STRIP1: variants seen among roughly 807,000 people sequenced by gnomAD.
STRIP1 encodes striatin interacting protein 1, also known as striatin-interacting protein 1.
Under a neutral mutation model 106.2 loss-of-function variants are expected in STRIP1, and 63 were observed. The observed-to-expected ratio is 0.59, with a 90% CI of 0.48 to 0.73. The LOEUF (loss-of-function observed/expected upper bound fraction) is 0.73. Ranked by LOEUF, STRIP1 falls within the 30% of genes least tolerant of loss-of-function variation. STRIP1 has a pLI of 0.00. For synonymous variants in STRIP1, 390 were observed against 413.0 expected, an observed-to-expected ratio of 0.94 and a Z score of 0.67; for missense variants, 857 against 1,074.8, an observed-to-expected ratio of 0.80 and a Z score of 2.83.
intron 1 of STRIP1, among the ~76,000 whole-genome samples, chr1:110,035,790 G>T (rs1206672616): frequency 1.3e-5 from 2 of 152,156 alleles, no homozygotes; most frequent in African/African-American, 4.8e-5. Flanking sequence ...AAAGAGCAAT[G>T]ATACTACCTT....
At chr1:110,047,343 G>A (rs537293576) in intron 13 of STRIP1, among the ~76,000 whole-genome samples, 199 bp from the exon 14 acceptor site, 1 of 152,274 alleles carries the variant, frequency 6.6e-6, no homozygotes, top group Admixed American at 6.5e-5. Context: ...ACCTTTATAG[G>A]GTTATAATAA....
rs893218628 is a variant in STRIP1, at chr1:110,041,738, C to T, written c.762C>T (p.Ser254=). ...ATACCTTTGTGTCACCTCCAGGCTCCCCGCTGTACAACAATGAGCCATTTG... is the reference window on the plus strand; with the variant it reads ...ATACCTTTGTGTCACCTCCAGGCTCTCCGCTGTACAACAATGAGCCATTTG... ...MRQTFRAELG[S]PLYNNEPFAI... Residue 254 remains serine (S), a synonymous_variant, in exon 8 of 21, where the codon TCC becomes TCT. Coordinates refer to ENST00000369795, the MANE Select transcript of STRIP1 (RefSeq NM_033088.4). 6.2e-7 allele frequency: 1 copy of T among 1,614,004 alleles called. No homozygotes were observed. The highest frequency in any genetic ancestry group is 8.5e-7 in the Non-Finnish European group (1 of 1,180,014).
intron 12 of STRIP1, among the ~76,000 whole-genome samples, chr1:110,045,649 G>A (rs1652986764): frequency 6.6e-6 from 1 of 152,146 alleles, no homozygotes; most frequent in African/African-American, 2.4e-5. Flanking sequence ...GAGCCATGGA[G>A]AATGAGGCTT....
In STRIP1 at chr1:110,047,761, A is replaced by G. The variant is rs748301387; in HGVS notation, c.1564-11A>G. On this transcript the variant is annotated splice_polypyrimidine_tract_variant and intron_variant, in intron 14 of 20. Coordinates refer to ENST00000369795, the MANE Select transcript of STRIP1 (RefSeq NM_033088.4). ...TCTCAGACCTGTGTCTGAATGGTCTACTCTTCCCAGATTGCCCTCCTGAAG... is the reference window on the plus strand; with the variant it reads ...TCTCAGACCTGTGTCTGAATGGTCTGCTCTTCCCAGATTGCCCTCCTGAAG... The G allele has an allele frequency of 4.5e-6, 7 of 1,560,860 alleles. No homozygotes were observed. Among genetic ancestry groups the G allele is most frequent in the Middle Eastern group, 1.7e-4 (1 of 6,020 alleles).
At chr1:110,043,553 C>T in intron 9 of STRIP1, 86 bp from the exon 10 acceptor site, 1 of 1,208,100 alleles carries the variant, frequency 8.3e-7, no homozygotes, top group Non-Finnish European at 1.2e-6. Flanking sequence ...TACTGGACAC[C>T]TGTATGTGCT....
At chr1:110,037,555 T>C (rs1395980196) in intron 1 of STRIP1, among the ~76,000 whole-genome samples, 1 of 152,212 alleles carries the variant, frequency 6.6e-6, no homozygotes, top group Non-Finnish European at 1.5e-5. Context: ...AACAAATATG[T>C]GTGTATAGAC....
upstream of STRIP1, chr1:110,034,501 T>C (rs951262147): frequency 1.0e-4 from 99 of 975,510 alleles, no homozygotes; most frequent in Non-Finnish European, 1.2e-4. Context: ...TCGCGAGGTA[T>C]TGGTCAGCCA....
rs767469884 is a variant in STRIP1, at chr1:110,046,709, G to C, written c.1446G>C (p.Gln482His). 13 of 1,613,392 alleles carry C rather than the reference G, an allele frequency of 8.1e-6. No individual in the cohort carries two copies. Among genetic ancestry groups the C allele is most frequent in the Middle Eastern group, 3.3e-4 (2 of 6,084 alleles). The change falls in exon 13 of 21, where the codon CAG (glutamine) becomes CAC (histidine). Residue 482 changes from glutamine (Q) to histidine (H), a missense_variant. Coordinates refer to ENST00000369795, the MANE Select transcript of STRIP1 (RefSeq NM_033088.4). ...AGTACACGTCGATTGCAGAGGTCCA[G>C]GCACAGATGGAGGAGGAATACCTCC... Reference protein sequence around the residue: ...QHKYTSIAEVQAQMEEEYLRS... With the variant: ...QHKYTSIAEVHAQMEEEYLRS...
At chr1:110,046,393 G>A (rs1025150273) in intron 12 of STRIP1, among the ~76,000 whole-genome samples, 2 of 152,068 alleles carry the variant, frequency 1.3e-5, no homozygotes, top group African/African-American at 4.8e-5. Context: ...CCAGCTACTT[G>A]GGAGGCTGGA....
rs202191314 is a variant in STRIP1, at chr1:110,046,774, G to A, written c.1488+23G>A. On this transcript the variant is annotated intron_variant, in intron 13 of 20. Coordinates refer to ENST00000369795, the MANE Select transcript of STRIP1 (RefSeq NM_033088.4). ...GGGGTAAGTTGGAGGTCCTCAGTCC[G>A]GGCGCGGTGGCTCACGCCTGTAATC... 6.1e-5 allele frequency: 97 copies of A among 1,590,124 alleles called. No homozygotes were observed. The Middle Eastern group carries it at 1.4e-3, about 23-fold the overall frequency.
chr1:110,045,113 G>T (rs772378033), intron 12 of STRIP1, 35 bp downstream of exon 12: 89 of 1,603,892 alleles, frequency 5.5e-5, no homozygotes, highest in Non-Finnish European at 7.3e-5. Flanking sequence ...GGCTTGTTTG[G>T]TCCTAAGTGA....
chr1:110,045,213 A>G (rs896602999), intron 12 of STRIP1, 135 bp downstream of exon 12: 8 of 702,808 alleles, frequency 1.1e-5, no homozygotes, highest in African/African-American at 1.1e-4. Flanking sequence ...GGACTTTGCA[A>G]TAACCTTGCA....
In STRIP1 at chr1:110,041,722, T is replaced by C; in HGVS notation, c.758-12T>C. The C allele has an allele frequency of 1.2e-6, 2 of 1,614,144 alleles. No individual in the cohort carries two copies. Among genetic ancestry groups the C allele is most frequent in the Non-Finnish European group, 1.7e-6 (2 of 1,180,012 alleles). ...CTTTGGGAGGGTCCTGATACCTTTG[T>C]GTCACCTCCAGGCTCCCCGCTGTAC... On this transcript the variant is annotated splice_polypyrimidine_tract_variant and intron_variant, in intron 7 of 20. Transcript: ENST00000369795.
At chr1:110,035,448 C>T (rs1326344245) in intron 1 of STRIP1, among the ~76,000 whole-genome samples, 1 of 152,162 alleles carries the variant, frequency 6.6e-6, no homozygotes, top group Non-Finnish European at 1.5e-5. Context: ...TGATACTGAA[C>T]TGTTAAAGAT....
At chr1:110,039,648 C>G in intron 5 of STRIP1, 133 bp downstream of exon 5, 1 of 1,176,520 alleles carries the variant, frequency 8.5e-7, no homozygotes, top group East Asian at 2.6e-5. Context: ...TTCTGACCAC[C>G]TGGGTTGAAT....
intron 18 of STRIP1, 61 bp from the exon 19 acceptor site, chr1:110,050,895 T>C (rs1356389266): frequency 7.1e-6 from 7 of 989,316 alleles, no homozygotes; most frequent in Non-Finnish European, 6.5e-6. Context: ...TGAGGGACTT[T>C]TGGAAACTGC....
Position 110,036,926 on chromosome 1 carries a change from C to T in STRIP1, c.181-965C>T, listed in dbSNP as rs576916925. Among the ~76,000 whole-genome samples, 4 of 152,230 alleles carry T rather than the reference C, an allele frequency of 2.6e-5. No individual in the cohort carries two copies. The East Asian group carries it at 5.8e-4, about 22-fold the overall frequency. Reference sequence around the variant, plus strand: ...GCAACCTCCACTTCCGGGGCTCAAGCGATTCTCCTGCCTTAGCCTCCCGAG... The same window carrying T: ...GCAACCTCCACTTCCGGGGCTCAAGTGATTCTCCTGCCTTAGCCTCCCGAG... On this transcript the variant is annotated intron_variant, in intron 1 of 20. Coordinates refer to ENST00000369795, the MANE Select transcript of STRIP1 (RefSeq NM_033088.4).
rs1652830047 is a variant in STRIP1, at chr1:110,042,870, C to T, written c.886-218C>T. On this transcript the variant is annotated intron_variant, in intron 8 of 20. Coordinates refer to ENST00000369795, the MANE Select transcript of STRIP1 (RefSeq NM_033088.4). ...TGTATCTGCACTAGGGTCAGTCAGC[C>T]TGCATCTCCACTCTTTCCTTGTTCC... 6 of 548,766 alleles carry T rather than the reference C, an allele frequency of 1.1e-5. No homozygotes were observed. The South Asian group carries it at 1.3e-4, about 12-fold the overall frequency. 34.0% of individuals were successfully genotyped at this position (548,766 alleles called of 1,614,324 possible).
At chr1:110,033,036 G>C (rs1652266618), upstream of STRIP1, among the ~76,000 whole-genome samples, 1 of 152,088 alleles carries the variant, frequency 6.6e-6, no homozygotes, top group Non-Finnish European at 1.5e-5. Context: ...TCCCTCCCTT[G>C]GCTCACTCAA....
Sources: gnomAD v4.1 joint callset for allele counts (sites outside exome capture counted in the v4.1 genomes callset) on GRCh38, gnomAD v4.1.1 for gene constraint, MANE v1.5 for transcripts, NCBI Gene and HGNC (gene_info 2026-07-23, HGNC 2026-07-21) for gene names.